The following NDRG1 variants were observed in gnomAD, a reference collection of about 807,000 sequenced individuals.
NDRG1 encodes the protein protein NDRG1.
In NDRG1, 32 loss-of-function variants were observed where a neutral mutation model predicts 56.9. The observed-to-expected ratio is 0.56, with a 90% confidence interval of 0.42 to 0.76. The LOEUF is 0.76. NDRG1 is among the 30% of genes least tolerant of loss of function. The pLI, the probability that NDRG1 is intolerant of heterozygous loss-of-function variation, is 0.00. For missense variants in NDRG1, 507 were observed against 545.7 expected, an observed-to-expected ratio of 0.93 and a Z score of 0.71; for synonymous variants, 211 against 204.1, an observed-to-expected ratio of 1.03 and a Z score of -0.29.
chr8:133,278,887 C>CTTTTT (rs34187643), intron 3 of NDRG1, among the ~76,000 whole-genome samples: 1 of 125,612 alleles, frequency 8.0e-6, no homozygotes, highest in African/African-American at 3.1e-5. Flanking sequence ...CTCTCTTCTT[C>CTTTTT]TTTTTTTTTT....
At chr8:133,259,421 C>A in intron 5 of NDRG1, 191 bp from the exon 6 acceptor site, 2 of 638,268 alleles carry the variant, frequency 3.1e-6, no homozygotes, top group South Asian at 1.7e-5. Flanking sequence ...TTGCTTCCTA[C>A]GCTCCAGGTC....
intron 3 of NDRG1, among the ~76,000 whole-genome samples, chr8:133,272,744 C>T (rs1345984205): frequency 6.6e-6 from 1 of 152,062 alleles, no homozygotes; most frequent in Non-Finnish European, 1.5e-5. Context: ...ATCTGTCACT[C>T]TAAGGGTTTG....
intron 10 of NDRG1, chr8:133,249,215 C>T: frequency 3.8e-6 from 1 of 265,742 alleles, no homozygotes; most frequent in Non-Finnish European, 7.4e-6. Flanking sequence ...AAACTCAGGC[C>T]TCATCTTTCC....
intron 1 of NDRG1, among the ~76,000 whole-genome samples, chr8:133,287,936 T>C (rs1471897103): frequency 6.8e-6 from 1 of 146,990 alleles, no homozygotes; most frequent in Non-Finnish European, 1.5e-5. Flanking sequence ...AGTGCATGCG[T>C]GCACACACGC....
intron 15 of NDRG1, chr8:133,241,576 GC>G: frequency 4.2e-6 from 1 of 240,128 alleles, no homozygotes; most frequent in Non-Finnish European, 8.2e-6. Context: ...GATAAGATGG[GC>G]TAAGAATATG....
intron 4 of NDRG1, 53 bp from the exon 5 acceptor site, chr8:133,262,220 T>G (rs1563626989): frequency 1.4e-5 from 23 of 1,607,318 alleles, no homozygotes; most frequent in Non-Finnish European, 1.9e-5. Flanking sequence ...GAGAAAAAAA[T>G]TAGGTGTCTC....
chr8:133,248,565 G>A, intron 11 of NDRG1, 150 bp downstream of exon 11: 1 of 975,132 alleles, frequency 1.0e-6, no homozygotes, highest in South Asian at 1.3e-5. Context: ...TCCAAGTCAG[G>A]CTGGGTAATG....
chr8:133,242,525 T>C (rs886640351), intron 14 of NDRG1, among the ~76,000 whole-genome samples: 1 of 152,170 alleles, frequency 6.6e-6, no homozygotes, highest in Non-Finnish European at 1.5e-5. Flanking sequence ...CTGAACAGAT[T>C]TGGACAGGTA....
At chr8:133,273,463 C>A (rs2130769533) in intron 3 of NDRG1, among the ~76,000 whole-genome samples, 1 of 152,300 alleles carries the variant, frequency 6.6e-6, no homozygotes, top group South Asian at 2.1e-4. Flanking sequence ...GGCCTCGTAT[C>A]TTCAACATAA....
chr8:133,239,322 G>T (rs1855253073), intron 15 of NDRG1: 1 of 801,968 alleles, frequency 1.2e-6, no homozygotes. Flanking sequence ...GGAAGGAACT[G>T]CCGCAATCAC....
intron 3 of NDRG1, chr8:133,264,894 C>G (rs751554108): frequency 7.2e-6 from 4 of 557,810 alleles, no homozygotes; most frequent in Non-Finnish European, 1.3e-5. Context: ...TTAAATGCAC[C>G]AAATGCTGGG....
At chr8:133,274,920 T>A (rs1857377540) in intron 3 of NDRG1, among the ~76,000 whole-genome samples, 1 of 152,178 alleles carries the variant, frequency 6.6e-6, no homozygotes, top group African/African-American at 2.4e-5. Context: ...CAAGAGGGCG[T>A]GGGAGGCCCT....
chr8:133,291,588 G>A (rs1858432258), intron 1 of NDRG1, among the ~76,000 whole-genome samples: 1 of 152,270 alleles, frequency 6.6e-6, no homozygotes, highest in East Asian at 1.9e-4. Context: ...AACAATATGG[G>A]TGGATTCACT....
Position 133,237,865 on chromosome 8 carries a change from T to C in NDRG1, c.*1013A>G, listed in dbSNP as rs1855144005. On this transcript the variant is annotated 3_prime_UTR_variant, in exon 16 of 16. Coordinates refer to ENST00000323851, the MANE Select transcript of NDRG1 (RefSeq NM_006096.4). ...AGCTGGGATCCACAGAAATCACAAC[T>C]GCACTGGATCTCAACACAACAACAA... The C allele has an allele frequency of 4.3e-6, 1 of 232,910 alleles. No individual in the cohort carries two copies. The highest frequency in any genetic ancestry group is 8.5e-6 in the Non-Finnish European group (1 of 117,990). 14.4% of individuals were successfully genotyped at this position (232,910 alleles called of 1,614,324 possible).
intron 3 of NDRG1, among the ~76,000 whole-genome samples, chr8:133,278,988 T>C (rs1368459582): frequency 3.3e-5 from 5 of 151,676 alleles, no homozygotes; most frequent in Non-Finnish European, 5.9e-5. Flanking sequence ...CCTCCCAGGT[T>C]CAAGCAATTC....
In NDRG1 at chr8:133,258,225, C is replaced by CCACA. The variant is rs139790285; in HGVS notation, c.450+137_450+140dup. 103 of 759,006 alleles carry CCACA rather than the reference C, an allele frequency of 1.4e-4. No individual in the cohort carries two copies. The African/African-American group carries it at 1.4e-3, about 10-fold the overall frequency. 47.0% of individuals were successfully genotyped at this position (759,006 alleles called of 1,614,324 possible). ...ATATATATATACGAGTACCCATGCA[C>CCACA]CACACACACACACACACACAACTGT... is the stretch of plus-strand genomic sequence containing the variant. On this transcript the variant is annotated intron_variant, in intron 7 of 15. Coordinates refer to ENST00000323851, the MANE Select transcript of NDRG1 (RefSeq NM_006096.4).
At chr8:133,266,723 G>T (rs1276031635) in intron 3 of NDRG1, among the ~76,000 whole-genome samples, 1 of 152,154 alleles carries the variant, frequency 6.6e-6, no homozygotes, top group Admixed American at 6.5e-5. Context: ...CATTCATTAG[G>T]CACCTATTGT....
chr8:133,285,431 C>T (rs77350256), intron 1 of NDRG1, among the ~76,000 whole-genome samples: 3,848 of 152,286 alleles, frequency 0.025, 95 homozygotes, highest in Non-Finnish European at 0.04. Flanking sequence ...AAAGCCCTCA[C>T]ACAGCCAGCT....
intron 11 of NDRG1, 67 bp downstream of exon 11, chr8:133,248,648 C>A (rs2130692013): frequency 6.3e-7 from 1 of 1,581,138 alleles, no homozygotes; most frequent in Non-Finnish European, 8.7e-7. Flanking sequence ...GAAGGCCCTG[C>A]CAGCAAGGCC....
Sources: allele counts gnomAD v4.1 joint callset (sites outside exome capture counted in the v4.1 genomes callset), GRCh38; gene constraint gnomAD v4.1.1; transcripts MANE v1.5; gene names NCBI Gene and HGNC (gene_info 2026-07-23, HGNC 2026-07-21).